MAPK4: variants seen among roughly 807,000 people sequenced by gnomAD.
MAPK4 encodes the protein Erk3-related.
In MAPK4, 22 loss-of-function variants were observed where a neutral mutation model predicts 47.7. The ratio of observed to expected loss-of-function variants is 0.46; its 90% CI spans 0.33 to 0.66. MAPK4 has a LOEUF of 0.66. Among genes scored for constraint, MAPK4 ranks in the 30% least tolerant of loss-of-function variants. The probability of loss-of-function intolerance (pLI) is 0.02; values close to 1 mark genes in which losing one functional copy is unlikely to be tolerated. For missense variants in MAPK4, 736 were observed against 831.7 expected (o/e 0.88, Z 1.42); for synonymous variants, 390 against 365.7 (o/e 1.07, Z -0.76).
intron 2 of MAPK4, chr18:50,669,809 A>C (rs569726634): frequency 1.3e-5 from 2 of 152,348 alleles, no homozygotes; most frequent in East Asian, 1.9e-4. Context: ...TCCTCATTCT[A>C]TCTCTCTAAG....
At chr18:50,616,514 G>A (rs2042686003) in intron 1 of MAPK4, among the ~76,000 whole-genome samples, 1 of 152,210 alleles carries the variant, frequency 6.6e-6, no homozygotes, top group African/African-American at 2.4e-5. Context: ...AGTTTATTAA[G>A]GAGTATTGAC....
chr18:50,565,629 T>A (rs1438234657), intron 1 of MAPK4, among the ~76,000 whole-genome samples: 4 of 152,210 alleles, frequency 2.6e-5, no homozygotes, highest in African/African-American at 7.2e-5. Context: ...AATGAAGGGC[T>A]GCATGTGGGA....
At chr18:50,640,286 G>A (rs2144178804) in intron 1 of MAPK4, among the ~76,000 whole-genome samples, 1 of 151,874 alleles carries the variant, frequency 6.6e-6, no homozygotes, top group East Asian at 1.9e-4. Context: ...GGCTATTCAG[G>A]GGCCATGCTC....
intron 1 of MAPK4, among the ~76,000 whole-genome samples, chr18:50,643,334 G>A (rs932259436): frequency 5.9e-5 from 9 of 152,220 alleles, no homozygotes; most frequent in Non-Finnish European, 1.2e-4. Context: ...CCAACATGGT[G>A]AAACCCCGTC....
chr18:50,705,103 G>A (rs958736312), intron 2 of MAPK4: 4 of 244,702 alleles, frequency 1.6e-5, no homozygotes, highest in Non-Finnish European at 3.1e-5. Flanking sequence ...TACCCCACAC[G>A]GCAGAGGGCT....
chr18:50,716,653 C>T (rs1230740227), intron 3 of MAPK4, among the ~76,000 whole-genome samples: 1 of 152,156 alleles, frequency 6.6e-6, no homozygotes, highest in Non-Finnish European at 1.5e-5. Context: ...ATTCCATGCC[C>T]CTACAGAACT....
chr18:50,708,775 A>G (rs1243247315), intron 2 of MAPK4, among the ~76,000 whole-genome samples: 1 of 152,142 alleles, frequency 6.6e-6, no homozygotes, highest in Non-Finnish European at 1.5e-5. Flanking sequence ...AAGGAGCTAC[A>G]TCTGCACAGC....
intron 1 of MAPK4, among the ~76,000 whole-genome samples, chr18:50,646,210 C>T (rs16952306): frequency 2.7e-3 from 413 of 152,304 alleles, no homozygotes; most frequent in African/African-American, 9.7e-3. Flanking sequence ...CAACTGTACT[C>T]CCTGCTAGAG....
rs535678510 is a variant in MAPK4 at position 50,565,308 on chromosome 18, C to T, written c.-871+5065C>T. Among the ~76,000 whole-genome samples, 12 of 152,290 alleles carry T rather than the reference C, an allele frequency of 7.9e-5. No individual in the cohort carries two copies. The East Asian group carries it at 1.3e-3, about 17-fold the overall frequency. On this transcript the variant is annotated intron_variant, in intron 1 of 5. Coordinates refer to ENST00000400384, the MANE Select transcript of MAPK4 (RefSeq NM_002747.4). ...CATAGGTGAAATGAGGGGCAGGGAT[C>T]GTTCCGGTTTAGCAGGAGGCTCTGT...
At chr18:50,623,560 C>T (rs1442805264) in intron 1 of MAPK4, among the ~76,000 whole-genome samples, 1 of 152,218 alleles carries the variant, frequency 6.6e-6, no homozygotes, top group Non-Finnish European at 1.5e-5. Flanking sequence ...CCAACCCCAT[C>T]CTTGACACTG....
At chr18:50,598,949 A>G (rs1221938664) in intron 1 of MAPK4, among the ~76,000 whole-genome samples, 1 of 152,206 alleles carries the variant, frequency 6.6e-6, no homozygotes, top group Non-Finnish European at 1.5e-5. Context: ...TGATATCCCC[A>G]TGATTGGTGA....
At chr18:50,657,676 G>C (rs2043124676) in intron 1 of MAPK4, among the ~76,000 whole-genome samples, 1 of 151,698 alleles carries the variant, frequency 6.6e-6, no homozygotes, top group African/African-American at 2.4e-5. Context: ...AGTTGTCAGT[G>C]TTTGGAGACA....
intron 1 of MAPK4, among the ~76,000 whole-genome samples, chr18:50,599,927 TA>T (rs2042520115): frequency 6.6e-6 from 1 of 152,190 alleles, no homozygotes; most frequent in African/African-American, 2.4e-5. Flanking sequence ...TTACAACCTC[TA>T]AATGGAACAT....
intron 2 of MAPK4, among the ~76,000 whole-genome samples, chr18:50,706,646 T>G (rs1910074024): frequency 2.6e-5 from 4 of 152,134 alleles, no homozygotes. Context: ...AATTAATCAC[T>G]TTGGCCTAGC....
chr18:50,703,236 T>TG (rs1909881874), intron 2 of MAPK4, among the ~76,000 whole-genome samples: 1 of 152,158 alleles, frequency 6.6e-6, no homozygotes, highest in Admixed American at 6.5e-5. Context: ...CTGGCCAGCC[T>TG]GGGCAGTGGT....
chr18:50,714,756 A>G (rs548450536), intron 2 of MAPK4, among the ~76,000 whole-genome samples: 82 of 152,338 alleles, frequency 5.4e-4, no homozygotes, highest in Middle Eastern at 3.4e-3. Context: ...CCATCTTCTT[A>G]CTAGACAAGG....
At chr18:50,581,398 A>T (rs556382856) in intron 1 of MAPK4, among the ~76,000 whole-genome samples, 114 of 152,194 alleles carry the variant, frequency 7.5e-4, no homozygotes, top group East Asian at 1.9e-3. Context: ...AGGTCTTTCC[A>T]TAGGGGCTTA....
intron 2 of MAPK4, among the ~76,000 whole-genome samples, chr18:50,685,443 A>T (rs1191274145): frequency 2.0e-5 from 3 of 152,206 alleles, no homozygotes; most frequent in African/African-American, 7.2e-5. Flanking sequence ...GCAGAGGGAA[A>T]CTTTCCTTCA....
chr18:50,575,165 TC>T (rs1280400390), intron 1 of MAPK4, among the ~76,000 whole-genome samples: 3 of 152,210 alleles, frequency 2.0e-5, no homozygotes, highest in African/African-American at 7.2e-5. Context: ...TTGGTCCCTT[TC>T]TTGCCTTTCT....
Sources: allele counts gnomAD v4.1 joint callset (sites outside exome capture counted in the v4.1 genomes callset), GRCh38; gene constraint gnomAD v4.1.1; transcripts MANE v1.5; gene names NCBI Gene and HGNC (gene_info 2026-07-23, HGNC 2026-07-21).